Variants in HBS1L observed in about 807,000 individuals in gnomAD.
HBS1L encodes HBS1-like protein.
HBS1L carries 55 observed loss-of-function variants against 88.9 expected under a neutral mutation model. The ratio of observed to expected loss-of-function variants is 0.62; its 90% CI spans 0.50 to 0.77. HBS1L has a LOEUF of 0.77. Ranked by LOEUF, HBS1L falls within the 30% of genes least tolerant of loss-of-function variation. The pLI is 0.00. For missense variants in HBS1L, 741 were observed against 829.3 expected (o/e 0.89, Z 1.31); for synonymous variants, 267 against 288.5 (o/e 0.93, Z 0.76).
intron 3 of HBS1L, among the ~76,000 whole-genome samples, chr6:135,040,399 G>A (rs1014737891): frequency 2.2e-5 from 3 of 134,158 alleles, no homozygotes; most frequent in African/African-American, 8.6e-5. Flanking sequence ...TGCCCAGGCT[G>A]GAATGCCAGT....
rs1414314836 is a variant in HBS1L, at chr6:135,042,182, T to C, written c.110-56A>G. 4 of 1,482,458 alleles carry C rather than the reference T, an allele frequency of 2.7e-6. No homozygotes were observed. In the African/African-American group the frequency reaches 5.7e-5, roughly 21 times the overall value. 91.8% of individuals were successfully genotyped at this position (1,482,458 alleles called of 1,614,324 possible). On this transcript the variant is annotated intron_variant, in intron 2 of 17. Coordinates refer to ENST00000367837, the MANE Select transcript of HBS1L (RefSeq NM_006620.4). ...GGTATAGCCATTTCCTATTAACTTT[T>C]TTTTACAAAAGTTAAAGTAAAAATT...
At chr6:134,974,953 A>C (rs1774601078) in intron 15 of HBS1L, among the ~76,000 whole-genome samples, 1 of 152,200 alleles carries the variant, frequency 6.6e-6, no homozygotes, top group Non-Finnish European at 1.5e-5. Context: ...TCCAAATTGG[A>C]AAAGAGTAAG....
intron 8 of HBS1L, among the ~76,000 whole-genome samples, chr6:134,989,084 T>C (rs1249894311): frequency 6.6e-6 from 1 of 152,210 alleles, no homozygotes; most frequent in Non-Finnish European, 1.5e-5. Flanking sequence ...TTGTTAGCCT[T>C]ATTGAAACTA....
At chr6:134,981,309 C>T (rs1009273788) in intron 13 of HBS1L, among the ~76,000 whole-genome samples, 2 of 151,894 alleles carry the variant, frequency 1.3e-5, no homozygotes, top group East Asian at 1.9e-4. Context: ...ATGAACAGAT[C>T]TATAGAAAAT....
chr6:134,976,900 T>C (rs1256887098), intron 15 of HBS1L, among the ~76,000 whole-genome samples: 2 of 151,620 alleles, frequency 1.3e-5, no homozygotes, highest in African/African-American at 4.8e-5. Flanking sequence ...TAAAAAGAAG[T>C]AAAAAGAAAA....
chr6:135,040,113 G>A (rs1284797963), intron 3 of HBS1L, among the ~76,000 whole-genome samples: 2 of 152,160 alleles, frequency 1.3e-5, no homozygotes, highest in East Asian at 3.8e-4. Flanking sequence ...GTACAGAAAG[G>A]AAGGGGTGAG....
At chr6:134,982,613 A>C in intron 12 of HBS1L, 51 bp from the exon 13 acceptor site, 1 of 993,820 alleles carries the variant, frequency 1.0e-6, no homozygotes, top group Non-Finnish European at 1.6e-6. Flanking sequence ...TTATCTGATG[A>C]TTAATACCGT....
In HBS1L at chr6:134,965,105, A is replaced by G. The variant is rs1419410137; in HGVS notation, c.*174T>C. ...TTTCTTTGCCAGTTGGCAACTTAGA[A>G]TTTTTGCAGAGGTGATTATTAATAC... On this transcript the variant is annotated 3_prime_UTR_variant, in exon 18 of 18. Transcript: ENST00000367837. The G allele has an allele frequency of 6.4e-6, 4 of 622,480 alleles. 1 individual carries two copies. Among genetic ancestry groups the G allele is most frequent in the South Asian group, 5.7e-5 (3 of 52,242 alleles). 38.6% of individuals were successfully genotyped at this position (622,480 alleles called of 1,614,324 possible). A position where few individuals can be genotyped will look rare whatever the true frequency, so the allele number is the denominator to read the frequency against.
intron 4 of HBS1L, chr6:135,035,829 T>C: frequency 1.6e-6 from 1 of 619,230 alleles, no homozygotes; most frequent in Non-Finnish European, 2.0e-6. Context: ...TCTGGTAAAA[T>C]TCTCCATTCA....
chr6:135,000,828 A>G (rs1418235275), intron 5 of HBS1L, among the ~76,000 whole-genome samples: 4 of 152,054 alleles, frequency 2.6e-5, no homozygotes, highest in Admixed American at 2.6e-4. Flanking sequence ...ATAAGACACC[A>G]CTGAGAATCA....
At chr6:134,993,967 G>T in intron 7 of HBS1L, 92 bp from the exon 8 acceptor site, 1 of 489,144 alleles carries the variant, frequency 2.0e-6, no homozygotes, top group Non-Finnish European at 3.6e-6. Context: ...TACATTCTTA[G>T]GTAAAAATGG....
In HBS1L at chr6:134,999,608, C is replaced by T. The variant is rs150805002; in HGVS notation, c.540-1952G>A. ...GATTACAGGCGCTGGCCACTACACC[C>T]GGATAATTTTTGTATTTTTAGTAGA... is the stretch of plus-strand genomic sequence containing the variant. On this transcript the variant is annotated intron_variant, in intron 5 of 17. Coordinates refer to ENST00000367837, the MANE Select transcript of HBS1L (RefSeq NM_006620.4). Among the ~76,000 whole-genome samples, 623 of 151,850 alleles carry T rather than the reference C, an allele frequency of 4.1e-3. 10 individuals carry two copies. Among genetic ancestry groups the T allele is most frequent in the African/African-American group, 0.014 (598 of 41,400 alleles).
intron 5 of HBS1L, among the ~76,000 whole-genome samples, chr6:135,000,863 G>T (rs1159580369): frequency 6.6e-6 from 1 of 152,054 alleles, no homozygotes; most frequent in African/African-American, 2.4e-5. Flanking sequence ...CTATGATGCT[G>T]AAATCTTGAC....
intron 5 of HBS1L, among the ~76,000 whole-genome samples, chr6:134,997,930 G>A (rs1775339045): frequency 6.6e-6 from 1 of 152,082 alleles, no homozygotes; most frequent in Non-Finnish European, 1.5e-5. Context: ...TCAAAATCAA[G>A]CCCACAGTCT....
At position 134,963,755 on chromosome 6, in the gene HBS1L, G is replaced by GC; in HGVS notation, c.*1523dup. The GC allele has an allele frequency of 6.6e-6, 1 of 152,216 alleles. No individual in the cohort carries two copies. The highest frequency in any genetic ancestry group is 2.4e-5 in the African/African-American group (1 of 41,514). 9.4% of individuals were successfully genotyped at this position (152,216 alleles called of 1,614,324 possible). A position where few individuals can be genotyped will look rare whatever the true frequency, so the allele number is the denominator to read the frequency against. On this transcript the variant is annotated 3_prime_UTR_variant, in exon 18 of 18. Transcript: ENST00000367837. ...TATATAGAGTTTGAGAGCAAAACCA[G>GC]CACCAGGGAAGGCAGAGTGGAGATG...
intron 4 of HBS1L, among the ~76,000 whole-genome samples, chr6:135,007,456 T>G (rs957464493): frequency 2.6e-5 from 4 of 152,194 alleles, no homozygotes; most frequent in Non-Finnish European, 5.9e-5. Context: ...TTCTGAGAGA[T>G]AACCATGGCT....
At chr6:134,969,718 G>C (rs1348295804) in intron 15 of HBS1L, among the ~76,000 whole-genome samples, 1 of 152,152 alleles carries the variant, frequency 6.6e-6, no homozygotes, top group Non-Finnish European at 1.5e-5. Flanking sequence ...TAGTAGTAGG[G>C]AAAGAACCTG....
At chr6:135,051,987 C>T (rs1440990586) in intron 1 of HBS1L, among the ~76,000 whole-genome samples, 2 of 152,112 alleles carry the variant, frequency 1.3e-5, no homozygotes, top group African/African-American at 4.8e-5. Context: ...AAACACAGAG[C>T]AATTTGGGAA....
rs1774268375 is a variant in HBS1L at position 134,964,961 on chromosome 6, G to A, written c.*318C>T. The A allele has an allele frequency of 5.4e-6, 2 of 369,938 alleles. 1 individual carries two copies. Among genetic ancestry groups the A allele is most frequent in the South Asian group, 6.1e-5 (2 of 32,552 alleles). The allele number at this position is 369,938 out of a possible 1,614,324, so 22.9% of individuals were successfully genotyped here. A position where few individuals can be genotyped will look rare whatever the true frequency, so the allele number is the denominator to read the frequency against. ...ATACATTGTGCTTTGGCCAGAAGTA[G>A]AGTTCATTTCATGATGATTCAGTAT... On this transcript the variant is annotated 3_prime_UTR_variant, in exon 18 of 18. Transcript: ENST00000367837.
Sources: gnomAD v4.1 joint callset for allele counts (sites outside exome capture counted in the v4.1 genomes callset) on GRCh38, gnomAD v4.1.1 for gene constraint, MANE v1.5 for transcripts, NCBI Gene and HGNC (gene_info 2026-07-23, HGNC 2026-07-21) for gene names.